KCNA2: variants seen among roughly 807,000 people sequenced by gnomAD.
KCNA2 encodes potassium channel, voltage gated shaker related subfamily A, member 2.
Under a neutral mutation model 33.4 loss-of-function variants are expected in KCNA2, and 11 were observed. The observed-to-expected ratio is 0.33, with a 90% CI of 0.21 to 0.55. KCNA2 has a LOEUF of 0.55. Among genes scored for constraint, KCNA2 ranks in the 20% least tolerant of loss-of-function variants. The pLI is 0.93. For synonymous variants in KCNA2, 222 were observed against 231.3 expected (o/e 0.96, Z 0.37); for missense variants, 291 against 621.6 (o/e 0.47, Z 5.66).
At position 110,604,368 on chromosome 1, in the gene KCNA2, G is replaced by C; in HGVS notation, c.415C>G (p.Pro139Ala). 6.2e-7 allele frequency: 1 copy of C among 1,614,120 alleles called. No individual in the cohort carries two copies. The highest frequency in any genetic ancestry group is 1.6e-4 in the Middle Eastern group (1 of 6,062). ...DEGYIKEEER[P>A]LPENEFQRQV... is the part of the protein sequence containing the mutation. ...CTCTGAAACTCATTTTCAGGCAGAG[G>C]ACGCTCTTCCTCCTTGATGTAGCCT... The change falls in exon 3 of 3, where the codon CCT becomes GCT. Residue 139 changes from proline (P) to alanine (A), a missense_variant. Physicochemically the swap from Pro to Ala is conservative, Grantham distance 27. Coordinates refer to ENST00000316361, the MANE Select transcript of KCNA2 (RefSeq NM_004974.4). The surrounding 1 kb of genome is among the most constrained non-coding windows in gnomAD (Gnocchi z 7.6).
intron 1 of KCNA2, among the ~76,000 whole-genome samples, chr1:110,615,107 G>A (rs996295275): frequency 3.3e-5 from 5 of 152,206 alleles, no homozygotes; most frequent in Non-Finnish European, 5.9e-5. Flanking sequence ...GGCTGAAATT[G>A]CAGTGAGGAG....
chr1:110,608,560 G>A (rs1570757887), upstream of KCNA2, among the ~76,000 whole-genome samples: 1 of 152,212 alleles, frequency 6.6e-6, no homozygotes, highest in Non-Finnish European at 1.5e-5. Flanking sequence ...GTGGTAGTCT[G>A]TGAGGTGTGG....
In KCNA2 at chr1:110,594,293, CTA is replaced by C. The variant is rs57750111; in HGVS notation, c.*8988_*8989del. On this transcript the variant is annotated 3_prime_UTR_variant, in exon 3 of 3. Coordinates refer to ENST00000316361, the MANE Select transcript of KCNA2 (RefSeq NM_004974.4). ...GGCCATTTCCTCTCTCTCTCTCTCT[CTA>C]TATATATATATACATATATATATAT... The C allele has an allele frequency of 4.2e-4, 329 of 791,270 alleles. No individual in the cohort carries two copies. Among genetic ancestry groups the C allele is most frequent in the South Asian group, 5.2e-4 (9 of 17,286 alleles). The allele number at this position is 791,270 out of a possible 1,614,324, so 49.0% of individuals were successfully genotyped here.
chr1:110,616,829 G>C (rs1345861560), intron 1 of KCNA2, among the ~76,000 whole-genome samples: 1 of 152,254 alleles, frequency 6.6e-6, no homozygotes, highest in Non-Finnish European at 1.5e-5. Context: ...GTGGCACAGA[G>C]GAGGTGCTTG....
chr1:110,603,181 C>A lies in KCNA2; in HGVS notation c.*102G>T. ...ACTTGCACAACTATTGCTTTCCATGCAGAACCAGATACACACTGTAGAACA... is the reference window on the plus strand; with the variant it reads ...ACTTGCACAACTATTGCTTTCCATGAAGAACCAGATACACACTGTAGAACA... On this transcript the variant is annotated 3_prime_UTR_variant, in exon 3 of 3. Transcript: ENST00000316361. The surrounding 1 kb of genome is among the most constrained non-coding windows in gnomAD (Gnocchi z 5.7). The A allele has an allele frequency of 6.7e-7, 1 of 1,492,518 alleles. No homozygotes were observed. Among genetic ancestry groups the A allele is most frequent in the Non-Finnish European group, 8.9e-7 (1 of 1,125,476 alleles). 92.5% of individuals were successfully genotyped at this position (1,492,518 alleles called of 1,614,324 possible). A position where few individuals can be genotyped will look rare whatever the true frequency, so the allele number is the denominator to read the frequency against.
chr1:110,612,672 T>C (rs1649914422), intron 1 of KCNA2, among the ~76,000 whole-genome samples: 1 of 152,242 alleles, frequency 6.6e-6, no homozygotes, highest in Non-Finnish European at 1.5e-5. Flanking sequence ...GAGACCCCAC[T>C]AAAGTGCAGG....
chr1:110,610,783 T>A (rs1649837231), upstream of KCNA2, among the ~76,000 whole-genome samples: 1 of 152,100 alleles, frequency 6.6e-6, no homozygotes, highest in Non-Finnish European at 1.5e-5. Context: ...AGAAGGGAGT[T>A]GGTGCTGGTG....
At position 110,601,597 on chromosome 1, in the gene KCNA2, A is replaced by G. The variant is rs1443241514; in HGVS notation, c.*1686T>C. On this transcript the variant is annotated 3_prime_UTR_variant, in exon 3 of 3. Coordinates refer to ENST00000316361, the MANE Select transcript of KCNA2 (RefSeq NM_004974.4). ...GCCATGGGAACTGAAGCTGCAGCAC[A>G]TGGAGGGCAGAAAGACAATTCTAAC... 1.0e-6 allele frequency: 1 copy of G among 992,742 alleles called. No homozygotes were observed. The highest frequency in any genetic ancestry group is 1.2e-6 in the Non-Finnish European group (1 of 834,840). 61.5% of individuals were successfully genotyped at this position (992,742 alleles called of 1,614,324 possible). A position where few individuals can be genotyped will look rare whatever the true frequency, so the allele number is the denominator to read the frequency against.
Position 110,593,763 on chromosome 1 carries a change from A to T in KCNA2, c.*9520T>A. ...AATGTTCATTGAGGCACATATGTAC[A>T]CATATATGTATAACCTATGTACAAA... is the stretch of plus-strand genomic sequence containing the variant. On this transcript the variant is annotated 3_prime_UTR_variant, in exon 3 of 3. Coordinates refer to ENST00000316361, the MANE Select transcript of KCNA2 (RefSeq NM_004974.4). The T allele has an allele frequency of 9.1e-7, 1 of 1,093,374 alleles. No individual in the cohort carries two copies. The highest frequency in any genetic ancestry group is 1.3e-6 in the Non-Finnish European group (1 of 768,422). The allele number at this position is 1,093,374 out of a possible 1,614,324, so 67.7% of individuals were successfully genotyped here.
intron 1 of KCNA2, among the ~76,000 whole-genome samples, chr1:110,627,300 T>C (rs751213872): frequency 4.6e-4 from 70 of 152,342 alleles, no homozygotes; most frequent in Non-Finnish European, 8.7e-4. Context: ...TCAGGATTAA[T>C]GAGACGCTGG....
At chr1:110,630,714 A>G (rs1051057353) in intron 1 of KCNA2, among the ~76,000 whole-genome samples, 6 of 152,212 alleles carry the variant, frequency 3.9e-5, no homozygotes, top group African/African-American at 1.4e-4. Context: ...TTTGAAACAG[A>G]CCTTATGCTA....
intron 1 of KCNA2, among the ~76,000 whole-genome samples, chr1:110,611,680 T>C (rs1463681407): frequency 6.6e-6 from 1 of 150,826 alleles, no homozygotes; most frequent in African/African-American, 2.4e-5. Flanking sequence ...GAGCCATGAT[T>C]GTGCCACTGC....
intron 1 of KCNA2, among the ~76,000 whole-genome samples, chr1:110,614,591 G>A (rs1244050413): frequency 1.3e-5 from 2 of 152,228 alleles, no homozygotes; most frequent in Non-Finnish European, 2.9e-5. Flanking sequence ...ATTACCAGGT[G>A]ACCTTGTAAG....
In KCNA2 at chr1:110,600,708, C is replaced by G. The variant is rs990044287; in HGVS notation, c.*2575G>C. ...ATGGGTTGCTTTACCTTCTATTTTCCAAAGATCTGTGTCCCTCCCACCCCA... is the reference window on the plus strand; with the variant it reads ...ATGGGTTGCTTTACCTTCTATTTTCGAAAGATCTGTGTCCCTCCCACCCCA... On this transcript the variant is annotated 3_prime_UTR_variant, in exon 3 of 3. Transcript: ENST00000316361. 3 of 985,290 alleles carry G rather than the reference C, an allele frequency of 3.0e-6. No homozygotes were observed. Among genetic ancestry groups the G allele is most frequent in the Admixed American group, 6.2e-5 (1 of 16,254 alleles). The allele number at this position is 985,290 out of a possible 1,614,324, so 61.0% of individuals were successfully genotyped here. A position where few individuals can be genotyped will look rare whatever the true frequency, so the allele number is the denominator to read the frequency against.
chr1:110,598,175 G>T lies in KCNA2; in HGVS notation c.*5108C>A. On this transcript the variant is annotated 3_prime_UTR_variant, in exon 3 of 3. Coordinates refer to ENST00000316361, the MANE Select transcript of KCNA2 (RefSeq NM_004974.4). Reference sequence around the variant, plus strand: ...AGGGGAACCTCCATTGTGCAACCAAGGAGCACCATGGATATTATAGCCCTC... The same window carrying T: ...AGGGGAACCTCCATTGTGCAACCAATGAGCACCATGGATATTATAGCCCTC... 1 of 638,178 alleles carries T rather than the reference G, an allele frequency of 1.6e-6. No homozygotes were observed. The highest frequency in any genetic ancestry group is 1.9e-6 in the Non-Finnish European group (1 of 513,156). 39.5% of individuals were successfully genotyped at this position (638,178 alleles called of 1,614,324 possible).
At chr1:110,616,180 A>T (rs1650057827) in intron 1 of KCNA2, among the ~76,000 whole-genome samples, 1 of 152,198 alleles carries the variant, frequency 6.6e-6, no homozygotes, top group Admixed American at 6.5e-5. Flanking sequence ...GGGTTAAATC[A>T]GGGACTCTGT....
At chr1:110,615,850 C>G (rs1311051031) in intron 1 of KCNA2, among the ~76,000 whole-genome samples, 1 of 152,168 alleles carries the variant, frequency 6.6e-6, no homozygotes, top group Non-Finnish European at 1.5e-5. Context: ...AGGAGAACCT[C>G]TGTGGTTTCC....
Position 110,602,076 on chromosome 1 carries a change from C to G in KCNA2, c.*1207G>C. On this transcript the variant is annotated 3_prime_UTR_variant, in exon 3 of 3. Transcript: ENST00000316361. ...TGCCCTGGTCCACTGTACAGTCATG[C>G]CCGCGACTAGGTTAATTCCTAAGGT... is the stretch of plus-strand genomic sequence containing the variant. 1 of 1,550,502 alleles carries G rather than the reference C, an allele frequency of 6.4e-7. No individual in the cohort carries two copies. The highest frequency in any genetic ancestry group is 8.7e-7 in the Non-Finnish European group (1 of 1,146,990).
intron 1 of KCNA2, among the ~76,000 whole-genome samples, chr1:110,629,876 A>G (rs1482728551): frequency 1.3e-5 from 2 of 152,286 alleles, no homozygotes; most frequent in African/African-American, 4.8e-5. Flanking sequence ...AAGCTGAAGA[A>G]TAAAAGAAAG....
Sources: gnomAD v4.1 joint callset for allele counts (sites outside exome capture counted in the v4.1 genomes callset) on GRCh38, gnomAD v4.1.1 for gene constraint, Gnocchi (gnomAD v3.1) non-coding constraint, MANE v1.5 for transcripts, NCBI Gene and HGNC (gene_info 2026-07-23, HGNC 2026-07-21) for gene names.